EPHA6: variants seen among roughly 807,000 people sequenced by gnomAD.
EPHA6 encodes the protein ephrin type-A receptor 6.
Under a neutral mutation model 112.0 loss-of-function variants are expected in EPHA6, and 50 were observed. That is an observed-to-expected ratio of 0.45 (90% CI 0.36 to 0.56). The LOEUF (loss-of-function observed/expected upper bound fraction) is 0.56. Among genes scored for constraint, EPHA6 ranks in the 20% least tolerant of loss-of-function variants. EPHA6 has a pLI of 0.00. For missense variants in EPHA6, 1,280 were observed against 1,417.4 expected (o/e 0.90, Z 1.56); for synonymous variants, 529 against 490.7 (o/e 1.08, Z -1.03).
chr3:97,545,502 G>T (rs1356360041), intron 11 of EPHA6, among the ~76,000 whole-genome samples: 1 of 152,140 alleles, frequency 6.6e-6, no homozygotes, highest in Non-Finnish European at 1.5e-5. Context: ...GTCAATTTTG[G>T]AATAGGTGTC....
At chr3:97,106,549 C>A (rs1266674780) in intron 3 of EPHA6, among the ~76,000 whole-genome samples, 11 of 152,100 alleles carry the variant, frequency 7.2e-5, no homozygotes, top group Non-Finnish European at 1.6e-4. Context: ...CTGCTGAGAG[C>A]TACTTTTACT....
chr3:97,079,748 A>C (rs1463549754), intron 3 of EPHA6, among the ~76,000 whole-genome samples: 1 of 152,102 alleles, frequency 6.6e-6, no homozygotes, highest in African/African-American at 2.4e-5. Context: ...CCATTGATGC[A>C]GCAAACTTTA....
chr3:97,266,548 C>T (rs2079692211), intron 5 of EPHA6, among the ~76,000 whole-genome samples: 2 of 152,006 alleles, frequency 1.3e-5, no homozygotes, highest in African/African-American at 2.4e-5. Flanking sequence ...GACAACTGGT[C>T]CCAGGATTGT....
At chr3:97,023,981 G>A (rs573576369) in intron 3 of EPHA6, among the ~76,000 whole-genome samples, 1 of 151,978 alleles carries the variant, frequency 6.6e-6, no homozygotes, top group Admixed American at 6.6e-5. Flanking sequence ...CACAATCTCC[G>A]TTTCTGTTTC....
At chr3:97,080,433 C>G (rs57324274) in intron 3 of EPHA6, among the ~76,000 whole-genome samples, 1,896 of 152,048 alleles carry the variant, frequency 0.012, 45 homozygotes, top group African/African-American at 0.043. Flanking sequence ...GAGAACTCTC[C>G]AAAAGTGCTT....
chr3:97,324,265 A>G (rs1021562736), intron 5 of EPHA6, among the ~76,000 whole-genome samples: 10 of 151,916 alleles, frequency 6.6e-5, no homozygotes, highest in African/African-American at 2.4e-4. Flanking sequence ...AACCTCTCAG[A>G]GCAAAGGGGA....
At chr3:96,973,998 CTG>C (rs2042420181) in intron 2 of EPHA6, among the ~76,000 whole-genome samples, 3 of 142,870 alleles carry the variant, frequency 2.1e-5, no homozygotes, top group Admixed American at 1.4e-4. Context: ...ATATAATATA[CTG>C]TGTATATTTA....
intron 3 of EPHA6, among the ~76,000 whole-genome samples, chr3:97,027,974 C>A (rs1258021354): frequency 6.6e-6 from 1 of 152,250 alleles, no homozygotes; most frequent in South Asian, 2.1e-4. Flanking sequence ...GTCTAGAATT[C>A]CCTTTAAAAC....
At chr3:97,509,734 T>C (rs2092329828) in intron 10 of EPHA6, among the ~76,000 whole-genome samples, 1 of 152,192 alleles carries the variant, frequency 6.6e-6, no homozygotes, top group African/African-American at 2.4e-5. Flanking sequence ...TTTTGTCCTG[T>C]CTTATTAGGT....
intron 5 of EPHA6, among the ~76,000 whole-genome samples, chr3:97,302,261 A>T (rs1162457970): frequency 1.3e-5 from 2 of 152,022 alleles, no homozygotes; most frequent in Admixed American, 1.3e-4. Flanking sequence ...AGAATTTAGT[A>T]TGATGGTTTT....
rs577326715 is a variant in EPHA6, at chr3:97,568,807, G to A, written c.2387-23805G>A. ...TAGGTATAGGGACCAGTTCCACAGG[G>A]GTCTTGCAGTGGGGGAGAGAAATTT... is the stretch of plus-strand genomic sequence containing the variant. On this transcript the variant is annotated intron_variant, in intron 11 of 17. Coordinates refer to ENST00000389672, the MANE Select transcript of EPHA6 (RefSeq NM_001080448.3). Among the ~76,000 whole-genome samples the A allele has an allele frequency of 5.9e-5, 9 of 152,268 alleles. No homozygotes were observed. The South Asian group carries it at 8.3e-4, about 14-fold the overall frequency.
chr3:97,588,023 G>A (rs1487931744), intron 11 of EPHA6, among the ~76,000 whole-genome samples: 1 of 152,082 alleles, frequency 6.6e-6, no homozygotes, highest in Non-Finnish European at 1.5e-5. Flanking sequence ...GTTTGAGCAA[G>A]TTTTACAGGG....
At chr3:97,647,230 A>G (rs1421253288) in intron 14 of EPHA6, among the ~76,000 whole-genome samples, 1 of 152,150 alleles carries the variant, frequency 6.6e-6, no homozygotes, top group Non-Finnish European at 1.5e-5. Flanking sequence ...ACCAAAAACA[A>G]AGGGATTATT....
At chr3:97,265,489 A>ACAGCGCCTGGGCT (rs1326534096) in intron 5 of EPHA6, among the ~76,000 whole-genome samples, 1 of 152,192 alleles carries the variant, frequency 6.6e-6, no homozygotes, top group Non-Finnish European at 1.5e-5. Flanking sequence ...CAGGGCTGTG[A>ACAGCGCCTGGGCT]CAGCGCCTGG....
At chr3:97,648,429 G>A in intron 14 of EPHA6, 2 of 1,404,940 alleles carry the variant, frequency 1.4e-6, no homozygotes, top group Non-Finnish European at 1.9e-6. Flanking sequence ...TGAGGGGAAG[G>A]TATTTAATGT....
intron 10 of EPHA6, among the ~76,000 whole-genome samples, chr3:97,530,900 T>C (rs1488955893): frequency 6.6e-6 from 1 of 152,070 alleles, no homozygotes; most frequent in Non-Finnish European, 1.5e-5. Flanking sequence ...CAGCATTTAG[T>C]TGACTGTGAT....
chr3:96,957,856 T>C (rs1389070287), intron 2 of EPHA6, among the ~76,000 whole-genome samples: 2 of 152,222 alleles, frequency 1.3e-5, no homozygotes, highest in Non-Finnish European at 2.9e-5. Flanking sequence ...ATTTTATTTA[T>C]GCATTCATCA....
At chr3:97,296,598 G>A (rs571015153) in intron 5 of EPHA6, among the ~76,000 whole-genome samples, 19 of 152,284 alleles carry the variant, frequency 1.2e-4, no homozygotes, top group Non-Finnish European at 1.9e-4. Context: ...CAGGCTCTGG[G>A]GAGTGCACAC....
chr3:97,375,079 T>G (rs2085275716), intron 5 of EPHA6, among the ~76,000 whole-genome samples: 1 of 152,158 alleles, frequency 6.6e-6, no homozygotes, highest in Admixed American at 6.6e-5. Flanking sequence ...GTCACTATTT[T>G]TTCCTATTTC....
Sources: gnomAD v4.1 joint callset for allele counts (sites outside exome capture counted in the v4.1 genomes callset) on GRCh38, gnomAD v4.1.1 for gene constraint, MANE v1.5 for transcripts, NCBI Gene and HGNC (gene_info 2026-07-23, HGNC 2026-07-21) for gene names.